Variants in C8orf34 observed in about 807,000 individuals in gnomAD.
C8orf34 encodes the protein chromosome 8 open reading frame 34.
In C8orf34, 65 loss-of-function variants were observed where a neutral mutation model predicts 68.3. That is an observed-to-expected ratio of 0.95 (90% CI 0.78 to 1.17). The LOEUF is 1.17. C8orf34 is among the 50% of genes most tolerant of loss of function. The pLI, the probability that C8orf34 is intolerant of heterozygous loss-of-function variation, is 0.00. For missense variants in C8orf34, 664 were observed against 655.4 expected (o/e 1.01, Z -0.14); for synonymous variants, 244 against 241.2 (o/e 1.01, Z -0.11).
chr8:68,415,331 T>G (rs1809620593), intron 1 of C8orf34, among the ~76,000 whole-genome samples: 1 of 151,940 alleles, frequency 6.6e-6, no homozygotes, highest in Non-Finnish European at 1.5e-5. Flanking sequence ...AGGACAAAAA[T>G]TAGCTGGGTG....
intron 9 of C8orf34, among the ~76,000 whole-genome samples, chr8:68,716,947 C>G (rs1012318951): frequency 9.2e-5 from 14 of 151,372 alleles, no homozygotes; most frequent in Non-Finnish European, 1.8e-4. Context: ...CAAATACATC[C>G]CCTGTATGTA....
At chr8:68,502,082 G>GT (rs1275954212) in intron 5 of C8orf34, among the ~76,000 whole-genome samples, 1 of 152,058 alleles carries the variant, frequency 6.6e-6, no homozygotes, top group Non-Finnish European at 1.5e-5. Flanking sequence ...TTGTTTATTC[G>GT]TTTTTTGACA....
In C8orf34 at chr8:68,718,282, C is replaced by G. The variant is rs1431929483; in HGVS notation, c.1328-3079C>G. ...AGACAGATACTGTTTAATTACTTGC[C>G]ATTAATTTTTTAAATTTTATCAAAA... On this transcript the variant is annotated intron_variant, in intron 9 of 13. Transcript: ENST00000518698. Among the ~76,000 whole-genome samples, 3 of 152,066 alleles carry G rather than the reference C, an allele frequency of 2.0e-5. No individual in the cohort carries two copies. The East Asian group carries it at 5.8e-4, about 29-fold the overall frequency.
At chr8:68,723,492 T>A (rs1291010965) in intron 10 of C8orf34, among the ~76,000 whole-genome samples, 1 of 152,162 alleles carries the variant, frequency 6.6e-6, no homozygotes, top group East Asian at 1.9e-4. Context: ...CAATGAAGTA[T>A]GTGGTTGGAA....
intron 7 of C8orf34, among the ~76,000 whole-genome samples, chr8:68,609,582 T>C (rs182430777): frequency 6.6e-6 from 1 of 152,186 alleles, no homozygotes; most frequent in East Asian, 1.9e-4. Context: ...AGTAGTCTCA[T>C]TGGGTTTGGC....
chr8:68,643,639 T>C (rs78583481), intron 8 of C8orf34, among the ~76,000 whole-genome samples: 2,757 of 152,166 alleles, frequency 0.018, 91 homozygotes, highest in African/African-American at 0.064. Flanking sequence ...GTGAGCTAGC[T>C]TTCTGGGGTC....
chr8:68,568,663 A>G (rs1049099779), intron 7 of C8orf34, among the ~76,000 whole-genome samples: 2 of 152,240 alleles, frequency 1.3e-5, no homozygotes, highest in African/African-American at 2.4e-5. Flanking sequence ...CTAGATCAGT[A>G]GATTTTATGA....
intron 2 of C8orf34, 59 bp from the exon 3 acceptor site, chr8:68,446,270 G>GT: frequency 2.1e-6 from 3 of 1,452,586 alleles, no homozygotes; most frequent in Non-Finnish European, 2.8e-6. Flanking sequence ...CGTGGACTTG[G>GT]TTTTTGCTCA....
Position 68,775,131 on chromosome 8 carries a change from G to T in C8orf34, c.1405-1268G>T, listed in dbSNP as rs1370844200. ...TCCAGTCCAAGCGATGCTTCTCCTT[G>T]CTCCTTGACTTAGGGCACTTCACTC... On this transcript the variant is annotated intron_variant, in intron 10 of 13. Coordinates refer to ENST00000518698, the MANE Select transcript of C8orf34 (RefSeq NM_052958.4). Among the ~76,000 whole-genome samples, 2 of 150,488 alleles carry T rather than the reference G, an allele frequency of 1.3e-5. 1 individual carries two copies. Among genetic ancestry groups the T allele is most frequent in the Non-Finnish European group, 2.9e-5 (2 of 67,826 alleles).
At position 68,565,351 on chromosome 8, in the gene C8orf34, C is replaced by T. The variant is rs115408957; in HGVS notation, c.1105+32202C>T. Among the ~76,000 whole-genome samples, 435 of 152,228 alleles carry T rather than the reference C, an allele frequency of 2.9e-3. 3 individuals are homozygous for T. The highest frequency in any genetic ancestry group is 9.7e-3 in the African/African-American group (402 of 41,552). On this transcript the variant is annotated intron_variant, in intron 7 of 13. Transcript: ENST00000518698. Reference sequence around the variant, plus strand: ...ACTACATGTTAGGAAGCAAATCAATCCCTCCCGAAGATAAAGCTGCTTGTC... The same window carrying T: ...ACTACATGTTAGGAAGCAAATCAATTCCTCCCGAAGATAAAGCTGCTTGTC...
intron 13 of C8orf34, among the ~76,000 whole-genome samples, chr8:68,816,852 C>A (rs914240987): frequency 6.6e-6 from 1 of 151,902 alleles, no homozygotes; most frequent in South Asian, 2.1e-4. Flanking sequence ...AACCTAATAA[C>A]CAAAAAAGAG....
intron 8 of C8orf34, among the ~76,000 whole-genome samples, chr8:68,649,853 A>C (rs1419694129): frequency 6.6e-6 from 1 of 152,060 alleles, no homozygotes; most frequent in Non-Finnish European, 1.5e-5. Context: ...GGAAAAAAAA[A>C]CCTCTGTAGA....
intron 8 of C8orf34, among the ~76,000 whole-genome samples, chr8:68,671,515 A>T (rs1390091950): frequency 6.6e-6 from 1 of 152,196 alleles, no homozygotes; most frequent in Non-Finnish European, 1.5e-5. Context: ...CAATAGTTCT[A>T]ATGGAGAGAA....
intron 7 of C8orf34, among the ~76,000 whole-genome samples, chr8:68,537,449 C>T (rs563458000): frequency 6.7e-6 from 1 of 149,612 alleles, no homozygotes; most frequent in East Asian, 2.0e-4. Context: ...AATCTAAGGA[C>T]TTTCTTTTTA....
intron 3 of C8orf34, among the ~76,000 whole-genome samples, chr8:68,460,674 G>A (rs1178722940): frequency 6.6e-6 from 1 of 152,186 alleles, no homozygotes; most frequent in Non-Finnish European, 1.5e-5. Context: ...CTGATACCCA[G>A]GCAAACAGGG....
intron 7 of C8orf34, among the ~76,000 whole-genome samples, chr8:68,549,946 A>G (rs897758363): frequency 4.0e-5 from 6 of 151,772 alleles, no homozygotes. Context: ...TTAGCATGGT[A>G]TATCTTTCTC....
chr8:68,648,258 G>A (rs1819238829), intron 8 of C8orf34, among the ~76,000 whole-genome samples: 1 of 152,162 alleles, frequency 6.6e-6, no homozygotes, highest in African/African-American at 2.4e-5. Flanking sequence ...AAAAAGTAAA[G>A]TGTTGGTAGG....
chr8:68,775,535 A>T (rs994564344), intron 10 of C8orf34, among the ~76,000 whole-genome samples: 1 of 152,186 alleles, frequency 6.6e-6, no homozygotes, highest in Non-Finnish European at 1.5e-5. Context: ...GCTAGTAAAG[A>T]CACAGATGAC....
chr8:68,411,057 C>G (rs1018690690), intron 1 of C8orf34, among the ~76,000 whole-genome samples: 5 of 152,136 alleles, frequency 3.3e-5, no homozygotes, highest in African/African-American at 1.2e-4. Flanking sequence ...CTTCATACTT[C>G]CAGAATTTGT....
Sources: gnomAD v4.1 joint callset for allele counts (sites outside exome capture counted in the v4.1 genomes callset) on GRCh38, gnomAD v4.1.1 for gene constraint, MANE v1.5 for transcripts, NCBI Gene and HGNC (gene_info 2026-07-23, HGNC 2026-07-21) for gene names.